Variants in RAPGEF3 observed in about 807,000 individuals in gnomAD.
RAPGEF3 encodes 9330170P05Rik.
RAPGEF3 carries 103 observed loss-of-function variants against 129.8 expected under a neutral mutation model. That is an observed-to-expected ratio of 0.79 (90% confidence interval 0.68 to 0.93). The LOEUF is 0.93. Among genes scored for constraint, RAPGEF3 ranks in the 40% least tolerant of loss-of-function variants. The pLI is 0.00. For missense variants in RAPGEF3, 1,117 were observed against 1,207.4 expected (o/e 0.93, Z 1.11); for synonymous variants, 436 against 482.6 (o/e 0.90, Z 1.26).
chr12:47,750,450 C>T (rs1941677387), intron 6 of RAPGEF3, 25 bp from the exon 7 acceptor site: 1 of 1,598,968 alleles, frequency 6.3e-7, no homozygotes, highest in Non-Finnish European at 8.5e-7. Context: ...GGAATGGGAG[C>T]ACACTGTGAA....
At position 47,748,540 on chromosome 12, in the gene RAPGEF3, T is replaced by C. The variant is rs1401100622; in HGVS notation, c.1157A>G (p.Tyr386Cys). Residue 386 changes from tyrosine to cysteine, a missense_variant and splice_region_variant, in exon 12 of 28, where the codon TAT becomes TGT. Physicochemically the swap from Tyr to Cys is radical, Grantham distance 194 (BLOSUM62 -2). This residue lies in a region of RAPGEF3 where 107 missense variants were observed against 160.7 expected (regional missense o/e 0.67). Coordinates refer to ENST00000449771, the MANE Select transcript of RAPGEF3 (RefSeq NM_001098531.4). The stretch of plus-strand genomic sequence containing the variant: ...CTCTGGGGTGCCAGACATCACTGTA[T>C]ACCTAGCAGAAATGGCCAATCTTTG... ...SRPPTPGRNR[Y>C]TVMSGTPEKI... 6.2e-7 allele frequency: 1 copy of C among 1,613,400 alleles called. No homozygotes were observed. The highest frequency in any genetic ancestry group is 8.5e-7 in the Non-Finnish European group (1 of 1,179,614).
Position 47,758,077 on chromosome 12 carries a change from A to G in RAPGEF3, c.8T>C (p.Val3Ala), listed in dbSNP as rs1942199632. Residue 3 changes from valine to alanine, a missense_variant and splice_region_variant, in exon 2 of 28, where the codon GTG (valine) becomes GCG (alanine). Around this residue, in one of 3 missense-constraint regions of RAPGEF3, gnomAD observed 367 missense variants for 373.4 expected, o/e 0.98. Transcript: ENST00000449771. ...CCAGCAGCTCTCACCTGGCCAGCCC[A>G]CCTGTGACACGGGGAGGAAAGTGGA... MK[V>A]GWPGESCWQV... 1.9e-6 allele frequency: 3 copies of G among 1,560,416 alleles called. No individual in the cohort carries two copies. The highest frequency in any genetic ancestry group is 1.2e-5 in the South Asian group (1 of 84,866).
At chr12:47,746,193 G>C (rs1313029950) in intron 16 of RAPGEF3, 1 of 184,800 alleles carries the variant, frequency 5.4e-6, no homozygotes, top group Non-Finnish European at 1.1e-5. Context: ...GGCCCTGAGG[G>C]GAGAACGGGC....
At chr12:47,751,339 G>A in intron 5 of RAPGEF3, 60 bp downstream of exon 5, 1 of 1,607,512 alleles carries the variant, frequency 6.2e-7, no homozygotes, top group Non-Finnish European at 8.5e-7. Context: ...GGACTGCCCT[G>A]TCCTGTCCCC....
chr12:47,740,631 CAG>C lies in RAPGEF3; in HGVS notation c.2231+9_2231+10del, dbSNP rs1190120540. On this transcript the variant is annotated intron_variant, in intron 21 of 27. Coordinates refer to ENST00000449771, the MANE Select transcript of RAPGEF3 (RefSeq NM_001098531.4). ...CTCTGGCCACGCCCTACCCACTGGA[CAG>C]GGACTCACTGGGCCGCCAGCTTAAT... 2 of 1,613,022 alleles carry C rather than the reference CAG, an allele frequency of 1.2e-6. No homozygotes were observed. Among genetic ancestry groups the C allele is most frequent in the Admixed American group, 3.3e-5 (2 of 59,964 alleles).
At position 47,737,014 on chromosome 12, in the gene RAPGEF3, T is replaced by G. The variant is rs936088670; in HGVS notation, c.*553A>C. 6.4e-6 allele frequency: 1 copy of G among 155,136 alleles called. No individual in the cohort carries two copies. The highest frequency in any genetic ancestry group is 1.4e-5 in the Non-Finnish European group (1 of 70,282). 9.6% of individuals were successfully genotyped at this position (155,136 alleles called of 1,614,324 possible). A position where few individuals can be genotyped will look rare whatever the true frequency, so the allele number is the denominator to read the frequency against. ...CACTCTGGGCTGGCCTGGAACATAC[T>G]ACTATGTTGACAGTAACAATAAAGC... On this transcript the variant is annotated 3_prime_UTR_variant, in exon 28 of 28. Transcript: ENST00000449771.
chr12:47,758,661 G>T lies in RAPGEF3; in HGVS notation c.-105C>A. 6.4e-7 allele frequency: 1 copy of T among 1,571,432 alleles called. No homozygotes were observed. Among genetic ancestry groups the T allele is most frequent in the Non-Finnish European group, 8.6e-7 (1 of 1,158,012 alleles). ...AAGGGGATCCGGAGGGTGCCAGTGG[G>T]TAAGTCCAGGTACAGTGAACTGGGC... On this transcript the variant is annotated 5_prime_UTR_variant, in exon 1 of 28. Coordinates refer to ENST00000449771, the MANE Select transcript of RAPGEF3 (RefSeq NM_001098531.4).
intron 2 of RAPGEF3, among the ~76,000 whole-genome samples, chr12:47,756,933 C>T (rs1304506265): frequency 6.6e-6 from 1 of 151,100 alleles, no homozygotes. Flanking sequence ...TGCTTCACTG[C>T]ACTCCAGCCT....
intron 17 of RAPGEF3, 145 bp from the exon 18 acceptor site, chr12:47,743,821 G>A: frequency 1.5e-6 from 2 of 1,370,914 alleles, no homozygotes; most frequent in East Asian, 4.9e-5. Flanking sequence ...AAAGAGGCAG[G>A]TAGGAGGCAG....
At chr12:47,746,772 G>T in intron 16 of RAPGEF3, 88 bp downstream of exon 16, 1 of 1,382,912 alleles carries the variant, frequency 7.2e-7, no homozygotes, top group South Asian at 1.2e-5. Flanking sequence ...AGCTTCCCAC[G>T]CCCACAGAGC....
intron 24 of RAPGEF3, 37 bp downstream of exon 24, chr12:47,739,106 G>A (rs2074535): frequency 0.17 from 249,809 of 1,497,534 alleles, 22,452 homozygotes; most frequent in East Asian, 0.34. Flanking sequence ...AGGCAGGAAG[G>A]GGGGAATGGA....
intron 2 of RAPGEF3, chr12:47,756,591 G>C (rs1423046690): frequency 6.6e-6 from 1 of 152,180 alleles, no homozygotes; most frequent in East Asian, 1.9e-4. Context: ...TTTCAACTCA[G>C]CCTCACTGTA....
intron 25 of RAPGEF3, among the ~76,000 whole-genome samples, 161 bp downstream of exon 25, chr12:47,738,529 C>A (rs928667422): frequency 6.6e-6 from 1 of 152,070 alleles, no homozygotes. Flanking sequence ...CCTGGCAGAC[C>A]CAGTTGCAGT....
chr12:47,740,336 G>T lies in RAPGEF3; in HGVS notation c.2291C>A (p.Ser764Ter), dbSNP rs772059743. Residue 764 changes from serine (S) to a stop codon, truncating the protein, a stop_gained, in exon 22 of 28, where the codon TCG becomes TAG. Coordinates refer to ENST00000449771, the MANE Select transcript of RAPGEF3 (RefSeq NM_001098531.4). LOFTEE classifies it high-confidence loss of function. ...GGTGTGGGCTAGGCGGCTGATGGCC[G>T]AGTTGCTGAGGCCAAACATGACGGC... The part of the protein sequence containing the change: ...FFAVMFGLSN[S>*]AISRLAHTWE... 6.2e-7 allele frequency: 1 copy of T among 1,614,116 alleles called. No individual in the cohort carries two copies. The highest frequency in any genetic ancestry group is 8.5e-7 in the Non-Finnish European group (1 of 1,180,008).
At chr12:47,742,931 G>A (rs774806653) in intron 18 of RAPGEF3, among the ~76,000 whole-genome samples, 18 of 152,170 alleles carry the variant, frequency 1.2e-4, no homozygotes, top group Non-Finnish European at 2.5e-4. Flanking sequence ...AAAAATGTTT[G>A]CTGAGTGACT....
chr12:47,748,410 C>A, intron 12 of RAPGEF3, 44 bp downstream of exon 12: 1 of 1,556,394 alleles, frequency 6.4e-7, no homozygotes, highest in South Asian at 1.1e-5. Context: ...CTCCATGGAC[C>A]ACCCAATGAG....
At position 47,757,847 on chromosome 12, in the gene RAPGEF3, G is replaced by T; in HGVS notation, c.219+19C>A. On this transcript the variant is annotated intron_variant, in intron 2 of 27. Transcript: ENST00000449771. ...CTCTGGTACTGGCCCTGGCACCTGG[G>T]CAGGTGAAAGGTACTCACCCAGCGC... 1 of 1,543,336 alleles carries T rather than the reference G, an allele frequency of 6.5e-7. No individual in the cohort carries two copies. The highest frequency in any genetic ancestry group is 8.8e-7 in the Non-Finnish European group (1 of 1,142,014).
chr12:47,751,372 G>A, intron 5 of RAPGEF3, 27 bp downstream of exon 5: 1 of 1,612,946 alleles, frequency 6.2e-7, no homozygotes, highest in East Asian at 2.2e-5. Flanking sequence ...CCCAGCCCGG[G>A]GCACCCCACC....
At position 47,752,042 on chromosome 12, in the gene RAPGEF3, C is replaced by G. The variant is rs1307681799; in HGVS notation, c.220-73G>C. 6.0e-6 allele frequency: 9 copies of G among 1,503,612 alleles called. No individual in the cohort carries two copies. The East Asian group carries it at 1.2e-4, about 19-fold the overall frequency. 93.1% of individuals were successfully genotyped at this position (1,503,612 alleles called of 1,614,324 possible). On this transcript the variant is annotated intron_variant, in intron 2 of 27. Coordinates refer to ENST00000449771, the MANE Select transcript of RAPGEF3 (RefSeq NM_001098531.4). ...CCAGCTCTTGGATACCTCCCCTCCC[C>G]CATCACTCCCACTCTTGCCTAGGCC... is the stretch of plus-strand genomic sequence containing the variant.
Sources: allele counts gnomAD v4.1 joint callset (sites outside exome capture counted in the v4.1 genomes callset), GRCh38; gene constraint gnomAD v4.1.1; regional missense constraint gnomAD v4.1.1; transcripts MANE v1.5; gene names NCBI Gene and HGNC (gene_info 2026-07-23, HGNC 2026-07-21).